Variants in ATF2 observed in about 807,000 individuals in gnomAD.
ATF2 encodes cyclic AMP-dependent transcription factor ATF-2.
A neutral mutation model predicts 60.6 loss-of-function variants in ATF2; 24 were observed. The observed-to-expected ratio is 0.40, with a 90% CI of 0.29 to 0.56. The LOEUF is 0.56. Among genes scored for constraint, ATF2 ranks in the 20% least tolerant of loss-of-function variants. The pLI is 0.54. For synonymous variants in ATF2, 206 were observed against 215.4 expected, an observed-to-expected ratio of 0.96 and a Z score of 0.38; for missense variants, 433 against 607.7, an observed-to-expected ratio of 0.71 and a Z score of 3.02.
intron 12 of ATF2, among the ~76,000 whole-genome samples, chr2:175,087,283 T>A (rs1048564159): frequency 1.3e-5 from 2 of 152,132 alleles, no homozygotes; most frequent in African/African-American, 4.8e-5. Flanking sequence ...CATTCAAATG[T>A]GAGAAATCAT....
intron 10 of ATF2, among the ~76,000 whole-genome samples, chr2:175,109,815 T>G (rs1696044390): frequency 6.6e-6 from 1 of 152,174 alleles, no homozygotes; most frequent in South Asian, 2.1e-4. Flanking sequence ...TGCTATCAAG[T>G]GAAGAAGATT....
At chr2:175,085,329 G>A (rs898614898) in intron 12 of ATF2, among the ~76,000 whole-genome samples, 12 of 152,114 alleles carry the variant, frequency 7.9e-5, no homozygotes, top group Non-Finnish European at 1.6e-4. Context: ...GAGGTCAGGA[G>A]TTTAAGACCA....
intron 13 of ATF2, among the ~76,000 whole-genome samples, chr2:175,076,724 T>C (rs1211111964): frequency 6.6e-6 from 1 of 152,038 alleles, no homozygotes; most frequent in African/African-American, 2.4e-5. Flanking sequence ...AAAGCTCTAT[T>C]TGTTTTGTTT....
Position 175,075,624 on chromosome 2 carries a change from TAAC to T in ATF2, c.1292-792_1292-790del, listed in dbSNP as rs575780159. The stretch of plus-strand genomic sequence containing the variant: ...TCATTTAGTAAAAATTTGATATAGA[TAAC>T]ACACAAATATTTATAGTATATGTAA... On this transcript the variant is annotated intron_variant, in intron 13 of 13. Coordinates refer to ENST00000264110, the MANE Select transcript of ATF2 (RefSeq NM_001880.4). 3.5e-3 allele frequency among the ~76,000 whole-genome samples: 539 copies of T among 152,224 alleles called. 4 individuals carry two copies. The highest frequency in any genetic ancestry group is 0.012 in the African/African-American group (501 of 41,542).
At chr2:175,162,176 G>C (rs1407010070) in intron 1 of ATF2, among the ~76,000 whole-genome samples, 2 of 152,120 alleles carry the variant, frequency 1.3e-5, no homozygotes, top group Non-Finnish European at 2.9e-5. Context: ...AACTTTAAAA[G>C]AAACAAAGAC....
chr2:175,098,241 T>C lies in ATF2; in HGVS notation c.829-648A>G, dbSNP rs74538774. Among the ~76,000 whole-genome samples, 260 of 152,356 alleles carry C rather than the reference T, an allele frequency of 1.7e-3. 2 individuals are homozygous for C. The highest frequency in any genetic ancestry group is 5.6e-3 in the African/African-American group (231 of 41,590). ...GTTAACTGATAGAAATTGGTTTCTT[T>C]AGTGAAAATGGTCATATGTGATCTT... On this transcript the variant is annotated intron_variant, in intron 10 of 13. Transcript: ENST00000264110.
At chr2:175,158,395 A>AT (rs1380464389) in intron 1 of ATF2, among the ~76,000 whole-genome samples, 3 of 151,510 alleles carry the variant, frequency 2.0e-5, no homozygotes, top group Non-Finnish European at 4.4e-5. Flanking sequence ...ACCCAGCTAA[A>AT]TTTTTTTTGG....
chr2:175,135,006 TAAA>T (rs60122560), intron 3 of ATF2, among the ~76,000 whole-genome samples: 10,200 of 84,902 alleles, frequency 0.12, 594 homozygotes, highest in African/African-American at 0.21. Context: ...CCCATCTCTT[TAAA>T]AAAAAAAAAA....
chr2:175,136,463 ATTCT>A lies in ATF2; in HGVS notation c.-24_-21del. On this transcript the variant is annotated 5_prime_UTR_variant, in exon 3 of 14. The change creates a new upstream start codon in the 5' untranslated region. Transcript: ENST00000264110. The stretch of plus-strand genomic sequence containing the variant: ...TTTCATAAGTTGAATAACTTATCAC[ATTCT>A]TTTTCTCATGGCAAGAATACTGAAA... The A allele has an allele frequency of 6.2e-7, 1 of 1,605,054 alleles. No individual in the cohort carries two copies. The highest frequency in any genetic ancestry group is 8.5e-7 in the Non-Finnish European group (1 of 1,174,470).
At chr2:175,091,868 C>CA (rs1454564247) in intron 12 of ATF2, among the ~76,000 whole-genome samples, 2 of 151,680 alleles carry the variant, frequency 1.3e-5, no homozygotes, top group East Asian at 1.9e-4. Flanking sequence ...GTCTCAAAAA[C>CA]AAAAAAACAA....
intron 13 of ATF2, among the ~76,000 whole-genome samples, chr2:175,078,929 T>G (rs3771926): frequency 6.6e-6 from 1 of 152,164 alleles, no homozygotes; most frequent in African/African-American, 2.4e-5. Context: ...ATGGTAGAAC[T>G]ATATTTCAGT....
At position 175,080,694 on chromosome 2, in the gene ATF2, A is replaced by G; in HGVS notation, c.1257T>C (p.Pro419=). The G allele has an allele frequency of 6.2e-7, 1 of 1,613,200 alleles. No individual in the cohort carries two copies. ...CAGATTTCTTCTGCATGGCGGTTACAGGGCAATCTTTATGAGCCAGAAGAA... is the reference window on the plus strand; with the variant it reads ...CAGATTTCTTCTGCATGGCGGTTACGGGGCAATCTTTATGAGCCAGAAGAA... The part of the protein sequence containing the change: ...KQLLLAHKDC[P]VTAMQKKSGY... The change falls in exon 13 of 14, where the codon CCT becomes CCC. Residue 419 remains proline (P), a synonymous_variant. Coordinates refer to ENST00000264110, the MANE Select transcript of ATF2 (RefSeq NM_001880.4).
intron 1 of ATF2, among the ~76,000 whole-genome samples, chr2:175,166,494 T>C (rs1417477041): frequency 6.6e-6 from 1 of 152,240 alleles, no homozygotes; most frequent in Non-Finnish European, 1.5e-5. Context: ...AAAACGTATT[T>C]TACAAGGATG....
At chr2:175,142,564 C>T (rs1161565738) in intron 2 of ATF2, among the ~76,000 whole-genome samples, 2 of 152,130 alleles carry the variant, frequency 1.3e-5, no homozygotes, top group African/African-American at 4.8e-5. Flanking sequence ...TTTTAGAACT[C>T]CATACTTGTT....
chr2:175,144,187 G>A (rs893270887), intron 2 of ATF2, among the ~76,000 whole-genome samples: 5 of 151,956 alleles, frequency 3.3e-5, no homozygotes, highest in Non-Finnish European at 7.4e-5. Context: ...ATTTCTGATC[G>A]GGCACCTCGT....
At chr2:175,081,912 G>T (rs570414758) in intron 12 of ATF2, among the ~76,000 whole-genome samples, 2 of 152,086 alleles carry the variant, frequency 1.3e-5, no homozygotes, top group African/African-American at 4.8e-5. Context: ...TTAGTTGGGC[G>T]TGGTGGAGGG....
At chr2:175,110,012 CTG>C (rs1402762361) in intron 10 of ATF2, among the ~76,000 whole-genome samples, 1 of 152,158 alleles carries the variant, frequency 6.6e-6, no homozygotes, top group African/African-American at 2.4e-5. Flanking sequence ...AAATTTCTGA[CTG>C]ATTGTCTGCA....
intron 10 of ATF2, among the ~76,000 whole-genome samples, chr2:175,111,284 C>A (rs1696164897): frequency 6.6e-6 from 1 of 152,104 alleles, no homozygotes; most frequent in African/African-American, 2.4e-5. Context: ...TGTAATACTC[C>A]TATTTTCCAC....
intron 1 of ATF2, among the ~76,000 whole-genome samples, chr2:175,153,793 T>G (rs766910164): frequency 6.9e-6 from 1 of 144,966 alleles, no homozygotes; most frequent in East Asian, 2.0e-4. Flanking sequence ...GATCACACCA[T>G]TGCACTCCAG....
Sources: gnomAD v4.1 joint callset for allele counts (sites outside exome capture counted in the v4.1 genomes callset) on GRCh38, gnomAD v4.1.1 for gene constraint, MANE v1.5 for transcripts, NCBI Gene and HGNC (gene_info 2026-07-23, HGNC 2026-07-21) for gene names.